Variants in COL21A1 observed in about 807,000 individuals in gnomAD.
The protein encoded by COL21A1 is collagen alpha-1(XXI) chain.
A neutral mutation model predicts 137.9 loss-of-function variants in COL21A1; 149 were observed. The ratio of observed to expected loss-of-function variants is 1.08; its 90% confidence interval spans 0.95 to 1.24. The LOEUF is 1.24. Among genes scored for constraint, COL21A1 ranks in the 50% most tolerant of loss-of-function variants. The pLI is 0.00. For missense variants in COL21A1, 1,167 were observed against 1,158.4 expected (o/e 1.01, Z -0.11); for synonymous variants, 456 against 391.5 (o/e 1.16, Z -1.95).
chr6:56,315,640 C>G (rs1283076596), intron 1 of COL21A1, among the ~76,000 whole-genome samples: 1 of 95,622 alleles, frequency 1.0e-5, no homozygotes, highest in African/African-American at 3.6e-5. Flanking sequence ...CGCCATCCCT[C>G]CCTCTCCTTC....
At chr6:56,372,091 C>T (rs918170797) in intron 1 of COL21A1, among the ~76,000 whole-genome samples, 39 of 152,196 alleles carry the variant, frequency 2.6e-4, no homozygotes, top group African/African-American at 8.7e-4. Context: ...GTGTGTCCTA[C>T]ACCAGAACAC....
chr6:56,318,032 A>C (rs1260682790), intron 1 of COL21A1, among the ~76,000 whole-genome samples: 2 of 152,198 alleles, frequency 1.3e-5, no homozygotes. Flanking sequence ...TACCATGTGC[A>C]AAAAGAAAAT....
chr6:56,366,865 G>T (rs752636506), intron 1 of COL21A1, among the ~76,000 whole-genome samples: 1 of 152,324 alleles, frequency 6.6e-6, no homozygotes, highest in Non-Finnish European at 1.5e-5. Context: ...GCCAGTTTGC[G>T]TGCTTAGCAG....
At chr6:56,122,447 G>A (rs909766432) in intron 16 of COL21A1, among the ~76,000 whole-genome samples, 2 of 152,116 alleles carry the variant, frequency 1.3e-5, no homozygotes, top group Admixed American at 6.5e-5. Flanking sequence ...CGAGTAGCTG[G>A]GACTACAGGC....
chr6:56,203,906 A>T (rs1779574209), intron 1 of COL21A1, among the ~76,000 whole-genome samples: 1 of 152,058 alleles, frequency 6.6e-6, no homozygotes, highest in South Asian at 2.1e-4. Flanking sequence ...GCCATGAAAG[A>T]CTGTAATGGG....
At position 56,362,854 on chromosome 6, in the gene COL21A1, C is replaced by T. The variant is rs570460057; in HGVS notation, c.-39+31117G>A. On this transcript the variant is annotated intron_variant, in intron 1 of 28. Coordinates refer to the COL21A1 transcript ENST00000370819. ...TTTGATCCCAGGTCCCGGGCCGGTG[C>T]GTATTTGAAAACTTTATTAATTCTT... 4.6e-5 allele frequency among the ~76,000 whole-genome samples: 7 copies of T among 152,230 alleles called. No individual in the cohort carries two copies. In the South Asian group the frequency reaches 1.0e-3, roughly 23 times the overall value.
chr6:56,199,968 C>T (rs934370125), intron 1 of COL21A1, among the ~76,000 whole-genome samples: 3 of 152,082 alleles, frequency 2.0e-5, no homozygotes, highest in African/African-American at 7.2e-5. Flanking sequence ...AGTAATGTAT[C>T]ACTTGAGGCC....
chr6:56,280,734 T>C (rs564674244), intron 1 of COL21A1, among the ~76,000 whole-genome samples: 1 of 152,328 alleles, frequency 6.6e-6, no homozygotes, highest in Non-Finnish European at 1.5e-5. Flanking sequence ...TCACCCTGGC[T>C]GGGCACAGTG....
intron 17 of COL21A1, among the ~76,000 whole-genome samples, chr6:56,081,498 C>A (rs1021416953): frequency 6.6e-6 from 1 of 151,610 alleles, no homozygotes; most frequent in African/African-American, 2.4e-5. Flanking sequence ...AAAAAGATGA[C>A]CAAGAGTATT....
At chr6:56,243,623 G>C (rs1489063957) in intron 1 of COL21A1, among the ~76,000 whole-genome samples, 1 of 152,276 alleles carries the variant, frequency 6.6e-6, no homozygotes, top group Non-Finnish European at 1.5e-5. Flanking sequence ...GCCAGGCACT[G>C]TTTTAAGAAC....
intron 17 of COL21A1, among the ~76,000 whole-genome samples, chr6:56,098,075 A>C (rs1282367929): frequency 2.6e-5 from 1 of 37,860 alleles, no homozygotes; most frequent in Non-Finnish European, 4.1e-5. Context: ...ATATAAATAT[A>C]TATAAATATA....
intron 1 of COL21A1, among the ~76,000 whole-genome samples, chr6:56,215,656 A>T (rs139501878): frequency 6.6e-6 from 1 of 152,156 alleles, no homozygotes; most frequent in Admixed American, 6.6e-5. Flanking sequence ...TCTACCTTGA[A>T]GGGTTGTTAA....
intron 1 of COL21A1, among the ~76,000 whole-genome samples, chr6:56,271,528 T>C (rs143216264): frequency 5.9e-5 from 9 of 152,288 alleles, no homozygotes; most frequent in African/African-American, 2.2e-4. Context: ...CCCGACTATG[T>C]GGTAGAAAAT....
At chr6:56,276,481 G>T in intron 1 of COL21A1, 1 of 768,386 alleles carries the variant, frequency 1.3e-6, no homozygotes, top group Non-Finnish European at 2.1e-6. Flanking sequence ...ACTTTTTTCA[G>T]AGAGAGGGGG....
At chr6:56,160,772 G>A (rs1776138071) in intron 9 of COL21A1, among the ~76,000 whole-genome samples, 1 of 152,138 alleles carries the variant, frequency 6.6e-6, no homozygotes, top group Non-Finnish European at 1.5e-5. Context: ...CTTAAGTAAT[G>A]TAAATATAAA....
chr6:56,347,929 A>G (rs967074059), intron 1 of COL21A1, among the ~76,000 whole-genome samples: 14 of 152,226 alleles, frequency 9.2e-5, no homozygotes, highest in Non-Finnish European at 2.1e-4. Context: ...ATTTAAAAAC[A>G]TATCAATTTA....
chr6:56,363,407 G>A (rs1182451393), intron 1 of COL21A1, among the ~76,000 whole-genome samples: 1 of 152,190 alleles, frequency 6.6e-6, no homozygotes, highest in Admixed American at 6.5e-5. Context: ...GGCTTACAGA[G>A]GTTAAGTCAC....
chr6:56,272,339 C>A (rs1763548525), intron 1 of COL21A1, among the ~76,000 whole-genome samples: 2 of 152,170 alleles, frequency 1.3e-5, no homozygotes, highest in African/African-American at 4.8e-5. Flanking sequence ...TTGAATGGAG[C>A]CTGTGGCCCT....
At chr6:56,359,262 G>A (rs1049057023) in intron 1 of COL21A1, among the ~76,000 whole-genome samples, 2 of 152,146 alleles carry the variant, frequency 1.3e-5, no homozygotes, top group African/African-American at 4.8e-5. Flanking sequence ...AGACTGACAC[G>A]GGATTACGAT....
Sources: allele counts gnomAD v4.1 joint callset (sites outside exome capture counted in the v4.1 genomes callset), GRCh38; gene constraint gnomAD v4.1.1; transcripts MANE v1.5; gene names NCBI Gene and HGNC (gene_info 2026-07-23, HGNC 2026-07-21).